The following ABCA13 variants were observed in gnomAD, a reference collection of about 807,000 sequenced individuals.
ABCA13 encodes the protein ATP-binding cassette sub-family A member 13.
In ABCA13, 476 loss-of-function variants were observed where a neutral mutation model predicts 478.7. That is an observed-to-expected ratio of 0.99 (90% confidence interval 0.92 to 1.07). ABCA13 has a LOEUF of 1.07. Among genes scored for constraint, ABCA13 ranks in the 50% least tolerant of loss-of-function variants. ABCA13 has a pLI of 0.00. For synonymous variants in ABCA13, 2,252 were observed against 2,158.9 expected (o/e 1.04, Z -1.20); for missense variants, 6,060 against 5,910.6 (o/e 1.03, Z -0.83).
intron 42 of ABCA13, among the ~76,000 whole-genome samples, chr7:48,432,822 G>A (rs1168659005): frequency 6.6e-6 from 1 of 152,000 alleles, no homozygotes; most frequent in East Asian, 1.9e-4. Context: ...GCTGGGAGGG[G>A]ATGTGGTGAG....
At chr7:48,391,162 G>A (rs759562498) in intron 37 of ABCA13, among the ~76,000 whole-genome samples, 32 of 152,140 alleles carry the variant, frequency 2.1e-4, no homozygotes, top group Non-Finnish European at 4.7e-4. Flanking sequence ...ACTATCCCGG[G>A]AGCAGCGGAA....
At chr7:48,342,646 T>C (rs1029562792) in intron 29 of ABCA13, among the ~76,000 whole-genome samples, 2 of 152,168 alleles carry the variant, frequency 1.3e-5, no homozygotes, top group Non-Finnish European at 2.9e-5. Context: ...TTGGCTACTA[T>C]CTTTTGAAGC....
intron 42 of ABCA13, among the ~76,000 whole-genome samples, chr7:48,437,071 T>C (rs893475557): frequency 2.0e-5 from 3 of 152,006 alleles, no homozygotes; most frequent in African/African-American, 7.2e-5. Context: ...TCTGTGTCTT[T>C]GTTGATAGTC....
Position 48,528,321 on chromosome 7 carries a change from A to T in ABCA13, c.14330A>T (p.His4777Leu). ...GGTGAAGTTTCTCTAACTTCAGGAC[A>T]TGCTATCATCAGGACTCCCATGGGG... ...LNGEVSLTSG[H>L]AIIRTPMGDA... is the part of the protein sequence containing the mutation. Residue 4777 changes from histidine (H) to leucine (L), a missense_variant, in exon 55 of 62, where the codon CAT (histidine) becomes CTT (leucine). This residue lies in a region of ABCA13 where 1,627 missense variants were observed against 1,571.0 expected (regional missense o/e 1.04). Coordinates refer to ENST00000435803, the MANE Select transcript of ABCA13 (RefSeq NM_152701.5). 1.3e-6 allele frequency: 2 copies of T among 1,567,714 alleles called. No individual in the cohort carries two copies. Among genetic ancestry groups the T allele is most frequent in the Non-Finnish European group, 1.7e-6 (2 of 1,155,158 alleles).
chr7:48,427,883 A>G lies in ABCA13; in HGVS notation c.12565+12A>G, dbSNP rs76760572. ...TCTGTCTGGCTACTGTAAGTACAGA[A>G]TGGCTTCCTGCATTTCTGCTGGAGG... On this transcript the variant is annotated intron_variant, in intron 42 of 61. Transcript: ENST00000435803. 59 of 1,543,574 alleles carry G rather than the reference A, an allele frequency of 3.8e-5. No individual in the cohort carries two copies. The East Asian group carries it at 1.3e-3, about 34-fold the overall frequency.
chr7:48,525,670 C>CTTTTTTTTTTTTTTTTTTT (rs538127881), intron 54 of ABCA13, among the ~76,000 whole-genome samples: 1 of 68,306 alleles, frequency 1.5e-5, no homozygotes, highest in Non-Finnish European at 2.9e-5. Context: ...TTTAGATGCG[C>CTTTTTTTTTTTTTTTTTTT]TTTTTTTTTT....
chr7:48,372,882 G>GT (rs1262188294), intron 33 of ABCA13, among the ~76,000 whole-genome samples: 1 of 152,134 alleles, frequency 6.6e-6, no homozygotes. Context: ...ATCACATTAA[G>GT]TGGAAAAATC....
chr7:48,342,304 T>A (rs1584932406), intron 29 of ABCA13, among the ~76,000 whole-genome samples: 1 of 152,128 alleles, frequency 6.6e-6, no homozygotes, highest in East Asian at 1.9e-4. Context: ...ATCCTCACTG[T>A]CTCCTTGTTC....
chr7:48,284,375 T>C (rs190879895), intron 19 of ABCA13, among the ~76,000 whole-genome samples: 23 of 152,308 alleles, frequency 1.5e-4, no homozygotes, highest in Admixed American at 1.4e-3. Context: ...GTTATGAACA[T>C]TGGTGATTAG....
chr7:48,277,462 G>T (rs996665249), intron 17 of ABCA13, among the ~76,000 whole-genome samples: 1 of 152,170 alleles, frequency 6.6e-6, no homozygotes, highest in Non-Finnish European at 1.5e-5. Context: ...ACTGATCAGG[G>T]ATTTTAACTC....
chr7:48,210,308 G>C (rs921352984), intron 3 of ABCA13, among the ~76,000 whole-genome samples: 3 of 152,060 alleles, frequency 2.0e-5, no homozygotes, highest in Non-Finnish European at 2.9e-5. Context: ...TGGGGGAACT[G>C]CCCCCATGAT....
chr7:48,450,564 A>ATT (rs1052584231), intron 42 of ABCA13, among the ~76,000 whole-genome samples: 2 of 152,214 alleles, frequency 1.3e-5, no homozygotes, highest in East Asian at 3.8e-4. Context: ...TCAAAATATT[A>ATT]TTTTTTATAG....
rs1788595862 is a variant in ABCA13 at position 48,580,357 on chromosome 7, A to G, written c.14488A>G (p.Arg4830Gly). The G allele has an allele frequency of 6.2e-7, 1 of 1,612,490 alleles. No homozygotes were observed. Among genetic ancestry groups the G allele is most frequent in the Non-Finnish European group, 8.5e-7 (1 of 1,179,344 alleles). ...YYYCSLRGIP[R>G]QCIPEVAGDL... ...TTACTGTAGCTTACGCGGGATTCCAAGGCAGTGCATCCCTGAGGTAAATCT... is the reference window on the plus strand; with the variant it reads ...TTACTGTAGCTTACGCGGGATTCCAGGGCAGTGCATCCCTGAGGTAAATCT... The change falls in exon 56 of 62, where the codon AGG becomes GGG. Residue 4830 changes from arginine to glycine, a missense_variant. Physicochemically the swap from Arg to Gly is moderately radical, Grantham distance 125 (BLOSUM62 -2). Transcript: ENST00000435803.
At chr7:48,357,869 T>C (rs2128997188) in intron 31 of ABCA13, among the ~76,000 whole-genome samples, 1 of 151,770 alleles carries the variant, frequency 6.6e-6, no homozygotes, top group African/African-American at 2.4e-5. Flanking sequence ...TTCGGCCGGG[T>C]GTGGTGGCTC....
chr7:48,388,933 A>C, intron 36 of ABCA13, 107 bp from the exon 37 acceptor site: 1 of 1,312,160 alleles, frequency 7.6e-7, no homozygotes. Flanking sequence ...TGTGTGCTTC[A>C]CAGAGCTGGA....
At chr7:48,376,143 A>G (rs944702242) in intron 34 of ABCA13, among the ~76,000 whole-genome samples, 9 of 152,200 alleles carry the variant, frequency 5.9e-5, no homozygotes, top group Non-Finnish European at 8.8e-5. Context: ...CCTTAAATAT[A>G]AAGTCCTTTC....
intron 59 of ABCA13, among the ~76,000 whole-genome samples, chr7:48,629,882 G>C (rs1794017518): frequency 6.6e-6 from 1 of 152,156 alleles, no homozygotes; most frequent in Non-Finnish European, 1.5e-5. Context: ...CATAGTGGAA[G>C]AACACCACGT....
intron 41 of ABCA13, among the ~76,000 whole-genome samples, chr7:48,414,260 T>G (rs1041362992): frequency 6.6e-6 from 1 of 152,164 alleles, no homozygotes; most frequent in Admixed American, 6.5e-5. Flanking sequence ...TTCTGTTCCG[T>G]GTTCTCCCCA....
At position 48,454,953 on chromosome 7, in the gene ABCA13, G is replaced by C. The variant is rs984177461; in HGVS notation, c.12566-84G>C. 5 of 1,417,546 alleles carry C rather than the reference G, an allele frequency of 3.5e-6. No homozygotes were observed. The African/African-American group carries it at 5.8e-5, about 17-fold the overall frequency. The allele number at this position is 1,417,546 out of a possible 1,614,324, so 87.8% of individuals were successfully genotyped here. A position where few individuals can be genotyped will look rare whatever the true frequency, so the allele number is the denominator to read the frequency against. On this transcript the variant is annotated intron_variant, in intron 42 of 61. Coordinates refer to ENST00000435803, the MANE Select transcript of ABCA13 (RefSeq NM_152701.5). ...ATTCCCATGGCTGCGAGATGCCGCA[G>C]GGTCACCGAGAGGGCAAACGAGGCA...
Sources: allele counts gnomAD v4.1 joint callset (sites outside exome capture counted in the v4.1 genomes callset), GRCh38; gene constraint gnomAD v4.1.1; regional missense constraint gnomAD v4.1.1; transcripts MANE v1.5; gene names NCBI Gene and HGNC (gene_info 2026-07-23, HGNC 2026-07-21).